Variants in AGTPBP1 observed in about 807,000 individuals in gnomAD.
AGTPBP1 encodes the protein ATP/GTP binding carboxypeptidase 1.
A neutral mutation model predicts 143.9 loss-of-function variants in AGTPBP1; 70 were observed. The ratio of observed to expected loss-of-function variants is 0.49; its 90% CI spans 0.40 to 0.59. The LOEUF (loss-of-function observed/expected upper bound fraction) is 0.59, where lower values mean the gene tolerates loss of function less well. Among genes scored for constraint, AGTPBP1 ranks in the 20% least tolerant of loss-of-function variants. The probability of loss-of-function intolerance (pLI) is 0.00; values close to 1 mark genes in which losing one functional copy is unlikely to be tolerated. For synonymous variants in AGTPBP1, 463 were observed against 500.2 expected, an observed-to-expected ratio of 0.93 and a Z score of 0.99; for missense variants, 1,229 against 1,464.5, an observed-to-expected ratio of 0.84 and a Z score of 2.62.
chr9:85,559,009 T>C (rs1826526286), intron 25 of AGTPBP1, among the ~76,000 whole-genome samples: 1 of 152,212 alleles, frequency 6.6e-6, no homozygotes, highest in African/African-American at 2.4e-5. Flanking sequence ...AATATCCTAA[T>C]AAATAACTAT....
intron 1 of AGTPBP1, among the ~76,000 whole-genome samples, chr9:85,731,809 T>C (rs372345245): frequency 7.9e-5 from 12 of 152,208 alleles, no homozygotes; most frequent in African/African-American, 2.9e-4. Flanking sequence ...TCACCTATTT[T>C]ATTGTCATTA....
intron 25 of AGTPBP1, among the ~76,000 whole-genome samples, chr9:85,572,144 A>C (rs1827542711): frequency 1.3e-5 from 2 of 150,212 alleles, no homozygotes; most frequent in Non-Finnish European, 1.5e-5. Context: ...CTCCTGCCTC[A>C]GCCTCCCGAG....
the AGTPBP1 span, among the ~76,000 whole-genome samples, chr9:85,751,003 C>T: frequency 7.1e-3 from 1,081 of 152,306 alleles, 15 homozygotes; most frequent in African/African-American, 0.025. Context: ...GGTCTCTTTC[C>T]TAATCGTACC....
At chr9:85,599,193 G>A (rs1238078193) in intron 17 of AGTPBP1, among the ~76,000 whole-genome samples, 1 of 151,864 alleles carries the variant, frequency 6.6e-6, no homozygotes, top group Non-Finnish European at 1.5e-5. Context: ...GGGAGAGAGA[G>A]GGACAGAAGG....
intron 3 of AGTPBP1, among the ~76,000 whole-genome samples, chr9:85,690,997 T>C (rs776956804): frequency 6.6e-6 from 1 of 152,210 alleles, no homozygotes; most frequent in East Asian, 1.9e-4. Flanking sequence ...TGTTTATCTA[T>C]AGGTCTGAAG....
intron 17 of AGTPBP1, among the ~76,000 whole-genome samples, chr9:85,609,199 T>C (rs1564060426): frequency 6.6e-6 from 1 of 152,150 alleles, no homozygotes; most frequent in Non-Finnish European, 1.5e-5. Flanking sequence ...GTAAATATTA[T>C]GTATGTATTA....
At chr9:85,688,096 T>TAAAAAAAAAAA (rs58523894) in intron 3 of AGTPBP1, among the ~76,000 whole-genome samples, 42 of 34,602 alleles carry the variant, frequency 1.2e-3, no homozygotes, top group Non-Finnish European at 1.6e-3. Flanking sequence ...GTCTCAAAAT[T>TAAAAAAAAAAA]AAAAAAAAAA....
intron 19 of AGTPBP1, among the ~76,000 whole-genome samples, chr9:85,591,468 G>C (rs1828963737): frequency 6.6e-6 from 1 of 152,076 alleles, no homozygotes; most frequent in Non-Finnish European, 1.5e-5. Context: ...AAACATCATG[G>C]TAGGGGGATT....
chr9:85,802,297 T>A, the AGTPBP1 span, among the ~76,000 whole-genome samples: 1 of 152,104 alleles, frequency 6.6e-6, no homozygotes, highest in East Asian at 1.9e-4. Flanking sequence ...ACTTCTGAAA[T>A]TATAAGGCCT....
intron 25 of AGTPBP1, among the ~76,000 whole-genome samples, chr9:85,549,601 A>T (rs1250886979): frequency 6.6e-6 from 1 of 152,220 alleles, no homozygotes; most frequent in East Asian, 1.9e-4. Flanking sequence ...TATAAGCTGA[A>T]GTCAATGAGG....
At chr9:85,773,403 G>C in the AGTPBP1 span, among the ~76,000 whole-genome samples, 1 of 130,472 alleles carries the variant, frequency 7.7e-6, no homozygotes, top group East Asian at 2.3e-4. Context: ...GGCGATCTTG[G>C]CTCCACTGCA....
intron 7 of AGTPBP1, among the ~76,000 whole-genome samples, chr9:85,670,083 C>T (rs949486957): frequency 2.0e-5 from 3 of 152,106 alleles, no homozygotes; most frequent in African/African-American, 4.8e-5. Context: ...GATGCCTAGG[C>T]TCAGTCTTTA....
intron 3 of AGTPBP1, among the ~76,000 whole-genome samples, chr9:85,682,757 C>T (rs1835267735): frequency 1.3e-5 from 2 of 152,082 alleles, no homozygotes; most frequent in South Asian, 2.1e-4. Context: ...AAAATATCAA[C>T]ACAGATGGGA....
chr9:85,793,329 G>A, the AGTPBP1 span: 1 of 152,092 alleles, frequency 6.6e-6, no homozygotes, highest in Non-Finnish European at 1.5e-5. Context: ...CACATGTATA[G>A]GTATATGATC....
intron 1 of AGTPBP1, among the ~76,000 whole-genome samples, chr9:85,725,071 G>A (rs1026650229): frequency 9.2e-5 from 14 of 152,114 alleles, no homozygotes; most frequent in Admixed American, 2.0e-4. Flanking sequence ...GCACCCTGCA[G>A]CTACACTTCC....
At chr9:85,574,611 A>T (rs1195334770) in intron 25 of AGTPBP1, among the ~76,000 whole-genome samples, 2 of 152,196 alleles carry the variant, frequency 1.3e-5, no homozygotes, top group Non-Finnish European at 2.9e-5. Flanking sequence ...AGGAATGCTA[A>T]ATTAGCTGTT....
chr9:85,740,846 C>T (rs1824209608), intron 1 of AGTPBP1, among the ~76,000 whole-genome samples: 1 of 152,196 alleles, frequency 6.6e-6, no homozygotes, highest in Non-Finnish European at 1.5e-5. Flanking sequence ...AAAATTTCCG[C>T]TATCTTCAGG....
chr9:85,689,925 A>AATATATAT (rs1554726691), intron 3 of AGTPBP1, among the ~76,000 whole-genome samples: 329 of 72,466 alleles, frequency 4.5e-3, no homozygotes, highest in African/African-American at 5.3e-3. Flanking sequence ...AAAAAAAAAA[A>AATATATAT]ATATATATAT....
intron 12 of AGTPBP1, among the ~76,000 whole-genome samples, chr9:85,643,628 T>G (rs73477749): frequency 0.025 from 3,797 of 151,812 alleles, 165 homozygotes; most frequent in African/African-American, 0.087. Context: ...AAGTCAGGAG[T>G]GGAACAAGAG....
Sources: gnomAD v4.1 joint callset for allele counts (sites outside exome capture counted in the v4.1 genomes callset) on GRCh38, gnomAD v4.1.1 for gene constraint, MANE v1.5 for transcripts, NCBI Gene and HGNC (gene_info 2026-07-23, HGNC 2026-07-21) for gene names.